The following CSNK1E variants were observed in gnomAD, a reference collection of about 807,000 sequenced individuals.
CSNK1E encodes the protein casein kinase 1 epsilon.
CSNK1E carries 17 observed loss-of-function variants against 46.1 expected under a neutral mutation model. The observed-to-expected ratio is 0.37, with a 90% CI of 0.25 to 0.55. CSNK1E has a LOEUF of 0.55. CSNK1E is among the 20% of genes least tolerant of loss of function. CSNK1E has a pLI of 0.82. For synonymous variants in CSNK1E, 241 were observed against 242.6 expected, an observed-to-expected ratio of 0.99 and a Z score of 0.06; for missense variants, 386 against 595.4, an observed-to-expected ratio of 0.65 and a Z score of 3.66.
intron 6 of CSNK1E, 84 bp downstream of exon 6, chr22:38,299,811 G>C: frequency 2.7e-6 from 4 of 1,497,464 alleles, no homozygotes; most frequent in Non-Finnish European, 3.6e-6. Context: ...CCTAGCCCCA[G>C]CGTGGGCTTT....
chr22:38,305,059 T>C (rs1306462623), intron 2 of CSNK1E, among the ~76,000 whole-genome samples: 1 of 137,534 alleles, frequency 7.3e-6, no homozygotes, highest in Non-Finnish European at 1.5e-5. Flanking sequence ...GAGGCGGAGG[T>C]TGCAGTGAGC....
chr22:38,299,262 A>G (rs1274173341), intron 6 of CSNK1E, among the ~76,000 whole-genome samples: 2 of 152,190 alleles, frequency 1.3e-5, no homozygotes, highest in African/African-American at 4.8e-5. Flanking sequence ...CCACAGATCA[A>G]TCGTTGCCAT....
chr22:38,302,959 T>A lies in CSNK1E; in HGVS notation c.238A>T (p.Met80Leu). The change falls in exon 4 of 11, where the codon ATG becomes TTG. Residue 80 changes from methionine to leucine, a missense_variant. Transcript: ENST00000396832. ...CTAGGCCCCAGCAGCTCCATGACCA[T>A]CACGTTGTAGTCGCCCTCAGCTCCG... is the stretch of plus-strand genomic sequence containing the variant. The part of the protein sequence containing the change: ...WCGAEGDYNV[M>L]VMELLGPSLE... 6.2e-7 allele frequency: 1 copy of A among 1,614,110 alleles called. No individual in the cohort carries two copies. Among genetic ancestry groups the A allele is most frequent in the Non-Finnish European group, 8.5e-7 (1 of 1,180,018 alleles).
At chr22:38,297,232 G>T in intron 7 of CSNK1E, 1 of 730,512 alleles carries the variant, frequency 1.4e-6, no homozygotes, top group South Asian at 1.4e-5. Flanking sequence ...ACGTGGGAGT[G>T]ACTATCTCGA....
chr22:38,314,258 A>G, intron 1 of CSNK1E, 89 bp from the exon 2 acceptor site: 1 of 1,006,314 alleles, frequency 9.9e-7, no homozygotes, highest in Non-Finnish European at 1.5e-6. Flanking sequence ...GCCACCAGGA[A>G]CTCGAAAACC....
chr22:38,296,917 G>A lies in CSNK1E; in HGVS notation c.885+1869C>T, dbSNP rs2092643873. 4.9e-6 allele frequency: 3 copies of A among 612,130 alleles called. No individual in the cohort carries two copies. In the East Asian group the frequency reaches 8.3e-5, roughly 17 times the overall value. The allele number at this position is 612,130 out of a possible 1,614,324, so 37.9% of individuals were successfully genotyped here. On this transcript the variant is annotated intron_variant, in intron 7 of 10. Coordinates refer to ENST00000396832, the MANE Select transcript of CSNK1E (RefSeq NM_152221.3). ...AGCCTCCCAAGCAGCTGGGATTACA[G>A]GAACACACCACCATGCCCAGCTAAT...
chr22:38,294,213 G>A lies in CSNK1E; in HGVS notation c.1114C>T (p.Arg372Trp), dbSNP rs1447536764. The A allele has an allele frequency of 6.2e-6, 10 of 1,612,488 alleles. No individual in the cohort carries two copies. Among genetic ancestry groups the A allele is most frequent in the Admixed American group, 5.0e-5 (3 of 59,958 alleles). Residue 372 changes from arginine (R) to tryptophan (W), a missense_variant, in exon 9 of 11, where the codon CGG becomes TGG. Arg to Trp is a moderately radical substitution (Grantham distance 101). Coordinates refer to ENST00000396832, the MANE Select transcript of CSNK1E (RefSeq NM_152221.3). This position sits in a 1 kb window ranked among gnomAD's most constrained non-coding sequence, Gnocchi z 5.5. ...TSPRAISRVDRERKVSMRLHR... is the reference protein window; with the variant it reads ...TSPRAISRVDWERKVSMRLHR... The stretch of plus-strand genomic sequence containing the variant: ...AGCCTCATACTCACCTTCCTCTCCC[G>A]GTCGACCCGCGAGATCGCTCTGGGA...
chr22:38,291,981 C>T (rs1278701439), intron 10 of CSNK1E, 43 bp from the exon 11 acceptor site: 2 of 140,218 alleles, frequency 1.4e-5, no homozygotes, highest in Non-Finnish European at 3.0e-5. Context: ...ACACAGCTGT[C>T]TCTGGCTACT....
chr22:38,312,353 A>C (rs1212562475), intron 2 of CSNK1E, among the ~76,000 whole-genome samples: 3 of 152,218 alleles, frequency 2.0e-5, no homozygotes, highest in Non-Finnish European at 4.4e-5. Context: ...GGCTTCCCAA[A>C]GTGCTGGCGT....
chr22:38,317,241 G>A lies in CSNK1E; in HGVS notation c.-94C>T, dbSNP rs1403903895. On this transcript the variant is annotated 5_prime_UTR_variant, in exon 1 of 11. Transcript: ENST00000396832. ...GCGGCCCGCCGGGGCGGATGCCGGA[G>A]GATTCGCGGAGCCGCCCGGCGCGCC... 1 of 148,692 alleles carries A rather than the reference G, an allele frequency of 6.7e-6. No individual in the cohort carries two copies. The highest frequency in any genetic ancestry group is 2.4e-5 in the African/African-American group (1 of 40,906). 9.2% of individuals were successfully genotyped at this position (148,692 alleles called of 1,614,324 possible).
intron 2 of CSNK1E, among the ~76,000 whole-genome samples, chr22:38,311,505 C>T (rs1055841456): frequency 2.0e-5 from 3 of 152,028 alleles, no homozygotes; most frequent in African/African-American, 7.2e-5. Flanking sequence ...GCAAAAAGAG[C>T]GACGGGACCT....
At chr22:38,296,261 C>G (rs911623219) in intron 7 of CSNK1E, 1 of 1,173,196 alleles carries the variant, frequency 8.5e-7, no homozygotes, top group Admixed American at 4.5e-5. Context: ...CAAAGTCACA[C>G]GAGCATCCAC....
At chr22:38,304,588 G>C (rs1265202292) in intron 2 of CSNK1E, among the ~76,000 whole-genome samples, 1 of 152,152 alleles carries the variant, frequency 6.6e-6, no homozygotes, top group Non-Finnish European at 1.5e-5. Context: ...AGAAGAACAG[G>C]AACAGTGGCG....
chr22:38,297,518 C>T lies in CSNK1E; in HGVS notation c.885+1268G>A, dbSNP rs73884676. 2,235 of 998,636 alleles carry T rather than the reference C, an allele frequency of 2.2e-3. 43 individuals are homozygous for T. In the African/African-American group the frequency reaches 0.037, roughly 16 times the overall value. The allele number at this position is 998,636 out of a possible 1,614,324, so 61.9% of individuals were successfully genotyped here. Reference sequence around the variant, plus strand: ...AGAAGCCCAAGACCAATGTGCCGACCTTGGCTTCCAGGAGAACAGAGCCTT... The same window carrying T: ...AGAAGCCCAAGACCAATGTGCCGACTTTGGCTTCCAGGAGAACAGAGCCTT... On this transcript the variant is annotated intron_variant, in intron 7 of 10. Coordinates refer to ENST00000396832, the MANE Select transcript of CSNK1E (RefSeq NM_152221.3).
At chr22:38,301,295 G>A (rs1408141990) in intron 4 of CSNK1E, among the ~76,000 whole-genome samples, 2 of 152,202 alleles carry the variant, frequency 1.3e-5, no homozygotes, top group Non-Finnish European at 2.9e-5. Context: ...TAGGGAGCCA[G>A]AGAGGCAACA....
intron 7 of CSNK1E, chr22:38,296,701 G>T (rs756272844): frequency 2.5e-5 from 41 of 1,610,072 alleles, no homozygotes; most frequent in Middle Eastern, 3.3e-4. Flanking sequence ...TTGGAAAAGA[G>T]ATCTTGCTGG....
chr22:38,304,228 C>T (rs977344797), intron 2 of CSNK1E, among the ~76,000 whole-genome samples: 1 of 152,084 alleles, frequency 6.6e-6, no homozygotes, highest in Non-Finnish European at 1.5e-5. Flanking sequence ...AGGGACACAG[C>T]CTCAGGAGGA....
Position 38,294,121 on chromosome 22 carries a change from G to C in CSNK1E, c.1206C>G (p.Ile402Met), listed in dbSNP as rs748510236. Residue 402 changes from isoleucine to methionine, a missense_variant, in exon 9 of 11, where the codon ATC (isoleucine) becomes ATG (methionine). Ile to Met is a conservative substitution (Grantham distance 10, BLOSUM62 1). Coordinates refer to ENST00000396832, the MANE Select transcript of CSNK1E (RefSeq NM_152221.3). This position sits in a 1 kb window ranked among gnomAD's most constrained non-coding sequence, Gnocchi z 5.5. ...GGGGGCAGCTCACCTGTGAGGCTGG[G>C]ATCCGGGAGACCTCTTGCCGCCCAG... ...DLTGRQEVSR[I>M]PASQTSVPFD... 10 of 1,609,958 alleles carry C rather than the reference G, an allele frequency of 6.2e-6. No individual in the cohort carries two copies. The highest frequency in any genetic ancestry group is 8.5e-6 in the Non-Finnish European group (10 of 1,179,524).
Position 38,298,699 on chromosome 22 carries a change from C to T in CSNK1E, c.885+87G>A. ...CGTACCTCCCGTCTGTCGGGAGCCCCTCCCGCCACCAGCTCACTCTGGCCC... is the reference window on the plus strand; with the variant it reads ...CGTACCTCCCGTCTGTCGGGAGCCCTTCCCGCCACCAGCTCACTCTGGCCC... On this transcript the variant is annotated intron_variant, in intron 7 of 10. Coordinates refer to ENST00000396832, the MANE Select transcript of CSNK1E (RefSeq NM_152221.3). The surrounding 1 kb of genome is among the most constrained non-coding windows in gnomAD (Gnocchi z 4.2). 6.5e-7 allele frequency: 1 copy of T among 1,527,080 alleles called. No individual in the cohort carries two copies. The highest frequency in any genetic ancestry group is 9.0e-7 in the Non-Finnish European group (1 of 1,110,454). The allele number at this position is 1,527,080 out of a possible 1,614,324, so 94.6% of individuals were successfully genotyped here. A position where few individuals can be genotyped will look rare whatever the true frequency, so the allele number is the denominator to read the frequency against.
Sources: allele counts gnomAD v4.1 joint callset (sites outside exome capture counted in the v4.1 genomes callset), GRCh38; gene constraint gnomAD v4.1.1; non-coding constraint Gnocchi (gnomAD v3.1); transcripts MANE v1.5; gene names NCBI Gene and HGNC (gene_info 2026-07-23, HGNC 2026-07-21).